LRP5: variants seen among roughly 807,000 people sequenced by gnomAD.
LRP5 encodes low-density lipoprotein receptor-related protein 5.
A neutral mutation model predicts 154.1 loss-of-function variants in LRP5; 62 were observed. The ratio of observed to expected loss-of-function variants is 0.40; its 90% confidence interval spans 0.33 to 0.50. LRP5 has a LOEUF of 0.50. Among genes scored for constraint, LRP5 ranks in the 20% least tolerant of loss-of-function variants. LRP5 has a pLI of 0.55. For missense variants in LRP5, 1,915 were observed against 2,336.7 expected (o/e 0.82, Z 3.72); for synonymous variants, 966 against 1,011.5 (o/e 0.96, Z 0.85).
At chr11:68,317,666 C>A (rs1339904048) in intron 1 of LRP5, among the ~76,000 whole-genome samples, 2 of 152,250 alleles carry the variant, frequency 1.3e-5, no homozygotes, top group African/African-American at 4.8e-5. Context: ...CATTCCCCAG[C>A]CCCATGTGGT....
intron 5 of LRP5, among the ~76,000 whole-genome samples, chr11:68,377,476 C>T (rs2098638007): frequency 6.6e-6 from 1 of 152,234 alleles, no homozygotes; most frequent in Middle Eastern, 3.2e-3. Flanking sequence ...TCGGGCCCAG[C>T]CACTTCCCTT....
rs1396300549 is a variant in LRP5, at chr11:68,424,000, T to A, written c.3236+303T>A. Among the ~76,000 whole-genome samples the A allele has an allele frequency of 1.3e-5, 2 of 152,170 alleles. No individual in the cohort carries two copies. Among genetic ancestry groups the A allele is most frequent in the African/African-American group, 4.8e-5 (2 of 41,438 alleles). The stretch of plus-strand genomic sequence containing the variant: ...GTTAAACTTGAACCCTGTGCAGAAA[T>A]CCCTTCCACGGCATGGGGGCTGCCT... On this transcript the variant is annotated intron_variant, in intron 14 of 22. Transcript: ENST00000294304. The surrounding 1 kb of genome is among the most constrained non-coding windows in gnomAD (Gnocchi z 4.7).
intron 4 of LRP5, among the ~76,000 whole-genome samples, chr11:68,364,989 G>A (rs1015905098): frequency 1.3e-5 from 2 of 152,236 alleles, no homozygotes; most frequent in Admixed American, 6.5e-5. Context: ...TTCAATTGCT[G>A]TTGGTCATAG....
intron 1 of LRP5, among the ~76,000 whole-genome samples, chr11:68,320,989 T>A (rs1217239417): frequency 1.3e-5 from 2 of 152,056 alleles, no homozygotes; most frequent in Non-Finnish European, 2.9e-5. Context: ...ATTATAAATA[T>A]ATCCTCCATT....
At position 68,395,351 on chromosome 11, in the gene LRP5, G is replaced by A. The variant is rs73515043; in HGVS notation, c.1584+5299G>A. ...AGACCAACCGAGGAATTGAAGTGGG[G>A]GGGCGTCACAGTAGCAGAAGGGGGA... On this transcript the variant is annotated intron_variant, in intron 7 of 22. Transcript: ENST00000294304. Among the ~76,000 whole-genome samples the A allele has an allele frequency of 1.8e-3, 266 of 151,914 alleles. 2 individuals are homozygous for A. Among genetic ancestry groups the A allele is most frequent in the African/African-American group, 6.4e-3 (264 of 41,438 alleles).
intron 1 of LRP5, among the ~76,000 whole-genome samples, chr11:68,331,765 GT>G (rs1411001357): frequency 0.014 from 2,195 of 152,044 alleles, 45 homozygotes; most frequent in African/African-American, 0.049. Flanking sequence ...GTGTGTGTGT[GT>G]GTGTGTGTTT....
chr11:68,443,476 C>T (rs12793822), intron 21 of LRP5, among the ~76,000 whole-genome samples: 6,201 of 83,418 alleles, frequency 0.074, 136 homozygotes, highest in Middle Eastern at 0.25. Context: ...GGCGACAGAG[C>T]GAGACTCTGT....
rs1365849188 is a variant in LRP5, at chr11:68,429,658, C to G, written c.3721C>G (p.Pro1241Ala). The change falls in exon 17 of 23, where the codon CCA becomes GCA. Residue 1241 changes from proline (P) to alanine (A), a missense_variant. Coordinates refer to ENST00000294304, the MANE Select transcript of LRP5 (RefSeq NM_002335.4). Reference protein sequence around the residue: ...KGDGTPRCSCPVHLVLLQNLL... With the variant: ...KGDGTPRCSCAVHLVLLQNLL... ...TGATGGGACACCACGGTGCTCATGCCCAGTCCACCTCGTGCTCCTGCAGAA... is the reference window on the plus strand; with the variant it reads ...TGATGGGACACCACGGTGCTCATGCGCAGTCCACCTCGTGCTCCTGCAGAA... 6.2e-7 allele frequency: 1 copy of G among 1,614,140 alleles called. No homozygotes were observed. The highest frequency in any genetic ancestry group is 8.5e-7 in the Non-Finnish European group (1 of 1,180,038).
intron 1 of LRP5, among the ~76,000 whole-genome samples, chr11:68,342,339 T>G (rs2098609662): frequency 1.3e-5 from 2 of 152,124 alleles, no homozygotes; most frequent in Non-Finnish European, 1.5e-5. Context: ...CTTTCCCCTT[T>G]GGAGAAGAGG....
chr11:68,390,897 G>C (rs964318332), intron 7 of LRP5, among the ~76,000 whole-genome samples: 13 of 152,254 alleles, frequency 8.5e-5, no homozygotes, highest in Non-Finnish European at 1.8e-4. Flanking sequence ...TCCCATGGGC[G>C]TGCTTTGGCA....
chr11:68,429,096 CA>C (rs554632583), intron 16 of LRP5, among the ~76,000 whole-genome samples: 196 of 136,584 alleles, frequency 1.4e-3, no homozygotes, highest in African/African-American at 4.3e-3. Context: ...GACTCTGTCT[CA>C]AAAAAAAAAG....
chr11:68,300,634 C>T, the LRP5 span, among the ~76,000 whole-genome samples: 5 of 149,484 alleles, frequency 3.3e-5, no homozygotes, highest in South Asian at 2.1e-4. Context: ...CTGCCCAAGC[C>T]GCAGAGGCCA....
chr11:68,395,034 C>T (rs1027645632), intron 7 of LRP5, among the ~76,000 whole-genome samples: 1 of 152,060 alleles, frequency 6.6e-6, no homozygotes, highest in Non-Finnish European at 1.5e-5. Context: ...GGCGTGGTGG[C>T]TTACGCCTGT....
chr11:68,394,707 G>A (rs547876944), intron 7 of LRP5, among the ~76,000 whole-genome samples: 1 of 151,608 alleles, frequency 6.6e-6, no homozygotes, highest in African/African-American at 2.4e-5. Context: ...CTCATGATCC[G>A]CCCGTCTCGG....
chr11:68,348,693 C>T (rs1175633460), intron 2 of LRP5, among the ~76,000 whole-genome samples: 1 of 152,260 alleles, frequency 6.6e-6, no homozygotes, highest in Non-Finnish European at 1.5e-5. Context: ...CCTGTAATCC[C>T]AGCACTCTGG....
the LRP5 span, among the ~76,000 whole-genome samples, chr11:68,303,866 C>A: frequency 6.6e-6 from 1 of 152,194 alleles, no homozygotes; most frequent in East Asian, 1.9e-4. Context: ...AATGCAGGAG[C>A]AAATAAATGA....
intron 1 of LRP5, among the ~76,000 whole-genome samples, chr11:68,336,825 A>G (rs1326983189): frequency 1.3e-5 from 2 of 152,180 alleles, no homozygotes; most frequent in Non-Finnish European, 2.9e-5. Flanking sequence ...CGTCGTAACC[A>G]TTTGTAAGCG....
chr11:68,330,550 C>T (rs1389403499), intron 1 of LRP5, among the ~76,000 whole-genome samples: 1 of 152,272 alleles, frequency 6.6e-6, no homozygotes, highest in Admixed American at 6.5e-5. Context: ...CCATGGGGTT[C>T]TGGGTCTGGG....
chr11:68,315,393 G>A (rs1156878429), intron 1 of LRP5, among the ~76,000 whole-genome samples: 1 of 152,224 alleles, frequency 6.6e-6, no homozygotes, highest in Non-Finnish European at 1.5e-5. Flanking sequence ...CTCACTCACC[G>A]CTGCAGCCCT....
Sources: allele counts gnomAD v4.1 joint callset (sites outside exome capture counted in the v4.1 genomes callset), GRCh38; gene constraint gnomAD v4.1.1; non-coding constraint Gnocchi (gnomAD v3.1); transcripts MANE v1.5; gene names NCBI Gene and HGNC (gene_info 2026-07-23, HGNC 2026-07-21).